Variants in ARSG observed in about 807,000 individuals in gnomAD.
ARSG encodes arylsulfatase G, also known as ASG.
A neutral mutation model predicts 50.5 loss-of-function variants in ARSG; 37 were observed. The ratio of observed to expected loss-of-function variants is 0.73; its 90% confidence interval spans 0.56 to 0.96. The LOEUF (loss-of-function observed/expected upper bound fraction) is 0.96, where lower values mean the gene tolerates loss of function less well. ARSG is among the 50% of genes least tolerant of loss of function. The probability of loss-of-function intolerance (pLI) is 0.00; values close to 1 mark genes in which losing one functional copy is unlikely to be tolerated. For synonymous variants in ARSG, 225 were observed against 254.6 expected, an observed-to-expected ratio of 0.88 and a Z score of 1.11; for missense variants, 629 against 675.3, an observed-to-expected ratio of 0.93 and a Z score of 0.76.
the ARSG span, among the ~76,000 whole-genome samples, chr17:68,435,251 C>A: frequency 6.6e-6 from 1 of 151,430 alleles, no homozygotes; most frequent in East Asian, 1.9e-4. Flanking sequence ...TCTGATTATT[C>A]CAGGCAGAAG....
chr17:68,378,484 C>T lies in ARSG; in HGVS notation c.983-6580C>T, dbSNP rs1253910787. ...CCGTGCGTGTGGACTGAGAATGCTC[C>T]ACTTGGCTTGTGCCCTGCAGGGGTG... On this transcript the variant is annotated intron_variant, in intron 8 of 11. Transcript: ENST00000621439. The surrounding 1 kb of genome is among the most constrained non-coding windows in gnomAD (Gnocchi z 4.4). 3.3e-5 allele frequency among the ~76,000 whole-genome samples: 5 copies of T among 152,176 alleles called. No individual in the cohort carries two copies. Among genetic ancestry groups the T allele is most frequent in the Non-Finnish European group, 7.4e-5 (5 of 68,026 alleles).
downstream of ARSG, among the ~76,000 whole-genome samples, chr17:68,423,061 C>G (rs988987397): frequency 6.6e-6 from 1 of 152,134 alleles, no homozygotes; most frequent in African/African-American, 2.4e-5. This position sits in a 1 kb window ranked among gnomAD's most constrained non-coding sequence, Gnocchi z 4.4. Context: ...TCACAGAGCT[C>G]CTGTAGCAGA....
intron 1 of ARSG, among the ~76,000 whole-genome samples, chr17:68,282,045 T>C (rs555176071): frequency 1.3e-5 from 2 of 152,282 alleles, no homozygotes; most frequent in East Asian, 3.9e-4. Context: ...TAAAGACACA[T>C]GCACACGTAT....
chr17:68,277,330 C>A (rs912409575), intron 1 of ARSG, among the ~76,000 whole-genome samples: 3 of 152,070 alleles, frequency 2.0e-5, no homozygotes, highest in Non-Finnish European at 4.4e-5. Flanking sequence ...GGGGGTTTCA[C>A]TATGTTGGTC....
upstream of ARSG, among the ~76,000 whole-genome samples, chr17:68,287,501 G>C (rs947407927): frequency 6.6e-6 from 1 of 152,126 alleles, no homozygotes; most frequent in African/African-American, 2.4e-5. Context: ...CTGAGCCACT[G>C]CTGGGAAGTT....
intron 1 of ARSG, among the ~76,000 whole-genome samples, chr17:68,277,604 A>G (rs1377767753): frequency 6.6e-6 from 1 of 151,510 alleles, no homozygotes; most frequent in Non-Finnish European, 1.5e-5. Flanking sequence ...TAATTTTTCT[A>G]TTTTCAGTAG....
chr17:68,327,033 G>A (rs1408853306), intron 2 of ARSG, among the ~76,000 whole-genome samples: 3 of 152,152 alleles, frequency 2.0e-5, no homozygotes, highest in African/African-American at 4.8e-5. Context: ...ACGTGCTTCC[G>A]AAGTCAAAGT....
chr17:68,384,882 T>TA (rs2080623351), intron 8 of ARSG, among the ~76,000 whole-genome samples, 182 bp from the exon 9 acceptor site: 1 of 152,144 alleles, frequency 6.6e-6, no homozygotes, highest in African/African-American at 2.4e-5. Context: ...TCCAGTAAAA[T>TA]AAAAAGCATA....
At chr17:68,421,775 A>C (rs140021666), downstream of ARSG, 8 of 1,614,174 alleles carry the variant, frequency 5.0e-6, no homozygotes, top group South Asian at 6.6e-5. Context: ...GCTTCTCATC[A>C]TGACTGCTTC....
chr17:68,442,187 A>G, the ARSG span, among the ~76,000 whole-genome samples: 1 of 152,150 alleles, frequency 6.6e-6, no homozygotes, highest in African/African-American at 2.4e-5. Flanking sequence ...ATGGTGGCTA[A>G]GTATGCTGAC....
At chr17:68,433,776 T>TTTTTTTTG in the ARSG span, among the ~76,000 whole-genome samples, 1 of 63,124 alleles carries the variant, frequency 1.6e-5, no homozygotes, top group African/African-American at 5.1e-5. Flanking sequence ...TTTTTTTTTT[T>TTTTTTTTG]TTTTTTTTTT....
At chr17:68,357,204 A>T (rs539536851) in intron 6 of ARSG, among the ~76,000 whole-genome samples, 2 of 152,322 alleles carry the variant, frequency 1.3e-5, no homozygotes, top group African/African-American at 2.4e-5. Context: ...TGCTGTAACA[A>T]CCAACCACTA....
chr17:68,345,145 C>T (rs890360166), intron 3 of ARSG, among the ~76,000 whole-genome samples: 1 of 152,222 alleles, frequency 6.6e-6, no homozygotes, highest in African/African-American at 2.4e-5. Flanking sequence ...TGGGCTGACT[C>T]TCCTTACTAG....
chr17:68,357,736 T>C (rs532022400), intron 6 of ARSG, among the ~76,000 whole-genome samples: 1 of 152,278 alleles, frequency 6.6e-6, no homozygotes. Flanking sequence ...GGGTCTACAG[T>C]GAACCTGTAA....
chr17:68,278,575 C>CG (rs1225263036), intron 1 of ARSG, among the ~76,000 whole-genome samples: 1 of 151,634 alleles, frequency 6.6e-6, no homozygotes, highest in Admixed American at 6.6e-5. Context: ...GCTGGGACTA[C>CG]AGGCATGTGC....
In ARSG at chr17:68,261,325, CCTAATACA is replaced by C. The variant is rs200534540; in HGVS notation, c.-552+1903_-552+1910del. The stretch of plus-strand genomic sequence containing the variant: ...ACAGCAGTGAACAAAGAACTCCTAC[CCTAATACA>C]CTAGTGGATGAGACAGAGAGTCAAG... On this transcript the variant is annotated intron_variant, in intron 1 of 11. Coordinates refer to the ARSG transcript ENST00000448504. 5.0e-3 allele frequency among the ~76,000 whole-genome samples: 757 copies of C among 152,246 alleles called. 5 individuals carry two copies. The highest frequency in any genetic ancestry group is 0.018 in the African/African-American group (732 of 41,558).
At position 68,399,958 on chromosome 17, in the gene ARSG, T is replaced by C. The variant is rs567407163; in HGVS notation, c.1213-1402T>C. On this transcript the variant is annotated intron_variant, in intron 10 of 11. Transcript: ENST00000621439. The surrounding 1 kb of genome is among the most constrained non-coding windows in gnomAD (Gnocchi z 4.6). ...TTCAGTTACGACTTCTTTTCCTGTTTGGAAGGAACCTGCTATCATCATGCG... is the reference window on the plus strand; with the variant it reads ...TTCAGTTACGACTTCTTTTCCTGTTCGGAAGGAACCTGCTATCATCATGCG... 1.3e-5 allele frequency among the ~76,000 whole-genome samples: 2 copies of C among 152,346 alleles called. No individual in the cohort carries two copies. Among genetic ancestry groups the C allele is most frequent in the African/African-American group, 4.8e-5 (2 of 41,578 alleles).
chr17:68,287,296 C>T (rs1485894071), upstream of ARSG, among the ~76,000 whole-genome samples: 1 of 151,808 alleles, frequency 6.6e-6, no homozygotes, highest in East Asian at 1.9e-4. Flanking sequence ...GGATTACACG[C>T]GTGAGCCAGC....
At chr17:68,370,672 C>CA in intron 8 of ARSG, 148 bp downstream of exon 8, 1 of 694,930 alleles carries the variant, frequency 1.4e-6, no homozygotes, top group Non-Finnish European at 2.5e-6. Flanking sequence ...CACCAGCCAC[C>CA]AGCACCCAGA....
Sources: gnomAD v4.1 joint callset for allele counts (sites outside exome capture counted in the v4.1 genomes callset) on GRCh38, gnomAD v4.1.1 for gene constraint, Gnocchi (gnomAD v3.1) non-coding constraint, MANE v1.5 for transcripts, NCBI Gene and HGNC (gene_info 2026-07-23, HGNC 2026-07-21) for gene names.